FGD4: variants seen among roughly 807,000 people sequenced by gnomAD.
The protein encoded by FGD4 is FYVE, RhoGEF and PH domain containing 4.
In FGD4, 42 loss-of-function variants were observed where a neutral mutation model predicts 102.0. The observed-to-expected ratio is 0.41, with a 90% CI of 0.32 to 0.53. FGD4 has a LOEUF of 0.53. FGD4 is among the 20% of genes least tolerant of loss of function. The pLI, the probability that FGD4 is intolerant of heterozygous loss-of-function variation, is 0.21. For missense variants in FGD4, 902 were observed against 1,078.2 expected (o/e 0.84, Z 2.29); for synonymous variants, 380 against 375.7 (o/e 1.01, Z -0.13).
chr12:32,537,146 T>G (rs1440237332), intron 1 of FGD4, among the ~76,000 whole-genome samples: 1 of 152,002 alleles, frequency 6.6e-6, no homozygotes, highest in African/African-American at 2.4e-5. Context: ...CTGATCTCAT[T>G]ATCCGCCCAC....
chr12:32,553,046 G>T (rs902317082), intron 1 of FGD4, among the ~76,000 whole-genome samples: 2 of 149,638 alleles, frequency 1.3e-5, no homozygotes, highest in Non-Finnish European at 3.0e-5. Context: ...CACCCGCCTC[G>T]GCCTCCCAAA....
intron 1 of FGD4, among the ~76,000 whole-genome samples, chr12:32,418,136 T>G (rs1256124672): frequency 1.3e-5 from 2 of 151,970 alleles, no homozygotes; most frequent in Admixed American, 1.3e-4. Context: ...TTTTGTATTT[T>G]TAGTAGAGAC....
chr12:32,526,713 T>C (rs796779382), intron 1 of FGD4, among the ~76,000 whole-genome samples: 2 of 152,198 alleles, frequency 1.3e-5, no homozygotes, highest in Admixed American at 6.5e-5. Context: ...TTTGGGTCCA[T>C]GCTGCTTTTA....
At chr12:32,562,204 T>C (rs908170197) in intron 1 of FGD4, among the ~76,000 whole-genome samples, 3 of 152,202 alleles carry the variant, frequency 2.0e-5, no homozygotes, top group Non-Finnish European at 2.9e-5. Context: ...AGCAGCTGCG[T>C]TCTGCCCTTT....
chr12:32,635,545 G>A (rs1394702442), intron 15 of FGD4, among the ~76,000 whole-genome samples: 1 of 152,084 alleles, frequency 6.6e-6, no homozygotes, highest in Non-Finnish European at 1.5e-5. Context: ...TATGTTATAT[G>A]CCCTAGAACA....
At chr12:32,637,091 G>A (rs1950879610) in intron 15 of FGD4, among the ~76,000 whole-genome samples, 1 of 135,124 alleles carries the variant, frequency 7.4e-6, no homozygotes. Context: ...GTTTCACTGT[G>A]TTGGCCAGGC....
intron 10 of FGD4, among the ~76,000 whole-genome samples, chr12:32,615,440 T>C (rs931686889): frequency 6.6e-6 from 1 of 152,196 alleles, no homozygotes; most frequent in African/African-American, 2.4e-5. Context: ...GTAAATTTTA[T>C]GGTATGTGAA....
At chr12:32,580,245 G>C (rs1946494600) in intron 3 of FGD4, among the ~76,000 whole-genome samples, 1 of 152,098 alleles carries the variant, frequency 6.6e-6, no homozygotes, top group South Asian at 2.1e-4. Context: ...TTCTCTATGG[G>C]ATCCCTGTCT....
rs1949157547 is a variant in FGD4, at chr12:32,611,849, G to A, written c.1749+566G>A. ...TTGCAGCGGGGGAGGCATGGCCAGG[G>A]CAGCTACCCAGCCGCAGCTGCCGAC... On this transcript the variant is annotated intron_variant, in intron 10 of 16. Transcript: ENST00000534526. Among the ~76,000 whole-genome samples the A allele has an allele frequency of 2.6e-5, 4 of 152,224 alleles. No individual in the cohort carries two copies. In the South Asian group the frequency reaches 8.3e-4, roughly 31 times the overall value.
At chr12:32,422,368 G>A (rs1478114725) in intron 1 of FGD4, among the ~76,000 whole-genome samples, 10 of 123,498 alleles carry the variant, frequency 8.1e-5, no homozygotes, top group Middle Eastern at 6.2e-3. Context: ...GTGGGATCTC[G>A]GTTCACTACA....
chr12:32,505,536 T>C (rs1414652098), intron 1 of FGD4, among the ~76,000 whole-genome samples: 1 of 152,248 alleles, frequency 6.6e-6, no homozygotes, highest in Non-Finnish European at 1.5e-5. Flanking sequence ...GGCAAACTTT[T>C]CATAAATTGG....
intron 2 of FGD4, among the ~76,000 whole-genome samples, chr12:32,571,468 A>G (rs74508263): frequency 6.6e-6 from 1 of 151,918 alleles, no homozygotes; most frequent in Non-Finnish European, 1.5e-5. Flanking sequence ...AAAAAAAAAG[A>G]AAAAAAGAGT....
chr12:32,574,856 C>T (rs1163642805), intron 2 of FGD4: 1 of 152,128 alleles, frequency 6.6e-6, no homozygotes, highest in African/African-American at 2.4e-5. Context: ...ACTCCTCACC[C>T]TTCTTCCAGA....
At chr12:32,438,160 G>T (rs894717830) in intron 1 of FGD4, among the ~76,000 whole-genome samples, 2 of 152,200 alleles carry the variant, frequency 1.3e-5, no homozygotes, top group African/African-American at 4.8e-5. Flanking sequence ...CCAAAGTGCT[G>T]GGATTATAGG....
Position 32,403,781 on chromosome 12 carries a change from G to A in FGD4, c.166+3822G>A, listed in dbSNP as rs915261361. On this transcript the variant is annotated intron_variant, in intron 1 of 16. Coordinates refer to ENST00000534526, the MANE Select transcript of FGD4 (RefSeq NM_001370298.3). ...CCAGCTAATTTTTGTATTTTTAGTA[G>A]AGACGGGGTTTCACCTTGTTGGCTA... Among the ~76,000 whole-genome samples, 13 of 152,034 alleles carry A rather than the reference G, an allele frequency of 8.6e-5. 1 individual carries two copies. The South Asian group carries it at 2.5e-3, about 29-fold the overall frequency.
chr12:32,631,650 G>C (rs1158621292), intron 14 of FGD4, among the ~76,000 whole-genome samples: 1 of 151,832 alleles, frequency 6.6e-6, no homozygotes, highest in African/African-American at 2.4e-5. Flanking sequence ...GACTACAGGC[G>C]GGCTTCACCA....
chr12:32,603,677 G>T (rs538497657), intron 7 of FGD4, among the ~76,000 whole-genome samples: 2 of 151,718 alleles, frequency 1.3e-5, no homozygotes, highest in South Asian at 4.2e-4. Context: ...GAGCCACCGC[G>T]CCTGGCCTTT....
At chr12:32,436,401 T>C (rs1379910927) in intron 1 of FGD4, among the ~76,000 whole-genome samples, 1 of 152,192 alleles carries the variant, frequency 6.6e-6, no homozygotes, top group Non-Finnish European at 1.5e-5. Flanking sequence ...GAAAATACTT[T>C]GTTGTGACTT....
chr12:32,532,642 AG>A (rs1941910946), intron 1 of FGD4, among the ~76,000 whole-genome samples: 1 of 152,104 alleles, frequency 6.6e-6, no homozygotes, highest in Admixed American at 6.5e-5. Flanking sequence ...ATCAAAGCTC[AG>A]GAAGTACAGA....
Sources: gnomAD v4.1 joint callset for allele counts (sites outside exome capture counted in the v4.1 genomes callset) on GRCh38, gnomAD v4.1.1 for gene constraint, MANE v1.5 for transcripts, NCBI Gene and HGNC (gene_info 2026-07-23, HGNC 2026-07-21) for gene names.